The following AHI1 variants were observed in gnomAD, a reference collection of about 807,000 sequenced individuals.
AHI1 encodes the protein jouberin.
AHI1 carries 123 observed loss-of-function variants against 149.3 expected under a neutral mutation model. That is an observed-to-expected ratio of 0.82 (90% confidence interval 0.71 to 0.96). AHI1 has a LOEUF of 0.96. AHI1 is among the 40% of genes least tolerant of loss of function. The pLI, the probability that AHI1 is intolerant of heterozygous loss-of-function variation, is 0.00. For synonymous variants in AHI1, 475 were observed against 459.8 expected (o/e 1.03, Z -0.42); for missense variants, 1,439 against 1,422.7 (o/e 1.01, Z -0.18).
At chr6:135,356,475 G>A (rs1792981183) in intron 24 of AHI1, among the ~76,000 whole-genome samples, 1 of 152,164 alleles carries the variant, frequency 6.6e-6, no homozygotes, top group Admixed American at 6.5e-5. Flanking sequence ...TAGAGGTTAT[G>A]GAGAAAGGGC....
chr6:135,348,301 A>T (rs1791562519), intron 24 of AHI1, among the ~76,000 whole-genome samples: 1 of 152,216 alleles, frequency 6.6e-6, no homozygotes, highest in African/African-American at 2.4e-5. Flanking sequence ...GCTCCATAAT[A>T]ATGTGTGTTA....
chr6:135,408,333 T>C (rs1399270429), intron 21 of AHI1, among the ~76,000 whole-genome samples: 3 of 152,242 alleles, frequency 2.0e-5, no homozygotes, highest in Admixed American at 2.0e-4. Flanking sequence ...GAAATATGTT[T>C]CTCTTCATCT....
intron 23 of AHI1, among the ~76,000 whole-genome samples, chr6:135,381,655 C>G (rs1157276632): frequency 6.6e-6 from 1 of 152,208 alleles, no homozygotes; most frequent in Non-Finnish European, 1.5e-5. Context: ...AATTTCTAAA[C>G]AAGGCCATAA....
In AHI1 at chr6:135,447,018, A is replaced by G. The variant is rs771894461; in HGVS notation, c.1769T>C (p.Leu590Pro). 4.3e-6 allele frequency: 7 copies of G among 1,610,850 alleles called. 1 individual carries two copies. The highest frequency in any genetic ancestry group is 1.7e-4 in the Middle Eastern group (1 of 6,050). ...TATCAAACACTTCACCTGCCCAGGG[A>G]GTCGTTTCCACTTTATTACTTCCTT... The part of the protein sequence containing the change: ...ESKEVIKWKR[L>P]PGQACRIPNK... Residue 590 changes from leucine to proline, a missense_variant, in exon 13 of 29, where the codon CTC (leucine) becomes CCC (proline). By Grantham distance (98) the Leu-to-Pro change is moderately conservative. Coordinates refer to ENST00000265602, the MANE Select transcript of AHI1 (RefSeq NM_001134831.2).
At chr6:135,333,699 T>C (rs1788942992) in intron 24 of AHI1, among the ~76,000 whole-genome samples, 1 of 152,202 alleles carries the variant, frequency 6.6e-6, no homozygotes, top group African/African-American at 2.4e-5. Flanking sequence ...AAATAATGAC[T>C]AAAGGTGTTG....
intron 22 of AHI1, among the ~76,000 whole-genome samples, chr6:135,401,606 A>G (rs370746510): frequency 2.6e-5 from 4 of 152,228 alleles, no homozygotes; most frequent in Non-Finnish European, 5.9e-5. Context: ...ACTCTTTTCA[A>G]TAAGTAGTGC....
chr6:135,455,809 T>A lies in AHI1; in HGVS notation c.1269A>T (p.Gln423His). 6.2e-7 allele frequency: 1 copy of A among 1,601,800 alleles called. No homozygotes were observed. The highest frequency in any genetic ancestry group is 2.2e-5 in the East Asian group (1 of 44,640). Residue 423 changes from glutamine to histidine, a missense_variant, in exon 10 of 29, where the codon CAA becomes CAT. Coordinates refer to ENST00000265602, the MANE Select transcript of AHI1 (RefSeq NM_001134831.2). Reference sequence around the variant, plus strand: ...AGGGAAAATTTTCATTAAATACAATTTGTTCTTCCCACTCTGGAAGTCTTG... The same window carrying A: ...AGGGAAAATTTTCATTAAATACAATATGTTCTTCCCACTCTGGAAGTCTTG... Reference protein sequence around the residue: ...LKSRLPEWEEQIVFNENFPYL... With the variant: ...LKSRLPEWEEHIVFNENFPYL...
chr6:135,404,219 C>T (rs758973497), intron 22 of AHI1, among the ~76,000 whole-genome samples: 2 of 152,138 alleles, frequency 1.3e-5, no homozygotes, highest in Non-Finnish European at 1.5e-5. Context: ...CTCATGTTGC[C>T]ATTCCAACTC....
chr6:135,439,790 C>T lies in AHI1; in HGVS notation c.1913-1292G>A, dbSNP rs151209664. 5.1e-4 allele frequency among the ~76,000 whole-genome samples: 78 copies of T among 152,216 alleles called. No homozygotes were observed. The East Asian group carries it at 9.7e-3, about 19-fold the overall frequency. On this transcript the variant is annotated intron_variant, in intron 14 of 28. Transcript: ENST00000265602. Reference sequence around the variant, plus strand: ...TACATGTGTTTCTACTGATGGCAATCGGGTTCAGTACTACTTGAGGTTTCA... The same window carrying T: ...TACATGTGTTTCTACTGATGGCAATTGGGTTCAGTACTACTTGAGGTTTCA...
rs1412535260 is a variant in AHI1 at position 135,466,093 on chromosome 6, GT to G, written c.469del (p.Thr157HisfsTer26). On this transcript the variant is annotated frameshift_variant, in exon 7 of 29. Transcript: ENST00000265602. LOFTEE classifies it high-confidence loss of function. ...ENKVDSTHQK[T>X]HTKPQPGVDH... ...AACGCCTGGCTGTGGCTTTGTATGT[GT>G]TTTCTGGTGTGTAGAATCAACCTTA... 1 of 1,613,796 alleles carries G rather than the reference GT, an allele frequency of 6.2e-7. No homozygotes were observed. Among genetic ancestry groups the G allele is most frequent in the Non-Finnish European group, 8.5e-7 (1 of 1,179,858 alleles).
chr6:135,396,060 G>A (rs764997697), intron 22 of AHI1, among the ~76,000 whole-genome samples: 5 of 151,018 alleles, frequency 3.3e-5, no homozygotes, highest in African/African-American at 4.9e-5. Context: ...TCTTAGTTTA[G>A]GTTTTTCTCT....
chr6:135,428,557 T>C (rs889167405), intron 19 of AHI1, 72 bp downstream of exon 19: 10 of 1,421,394 alleles, frequency 7.0e-6, no homozygotes, highest in South Asian at 5.4e-5. Context: ...TTCCATAAAA[T>C]GGTAGAATTT....
At chr6:135,443,894 G>A (rs1343240615) in intron 13 of AHI1, among the ~76,000 whole-genome samples, 1 of 152,112 alleles carries the variant, frequency 6.6e-6, no homozygotes, top group Non-Finnish European at 1.5e-5. Context: ...TGAAAGAAAT[G>A]TCAGGAGGCT....
intron 23 of AHI1, among the ~76,000 whole-genome samples, chr6:135,373,547 TTA>T (rs1173224758): frequency 6.6e-6 from 1 of 152,236 alleles, no homozygotes; most frequent in African/African-American, 2.4e-5. Flanking sequence ...AAAAGAAATT[TTA>T]TGTTTCTTGG....
intron 24 of AHI1, among the ~76,000 whole-genome samples, chr6:135,355,448 T>C (rs1005215575): frequency 2.0e-5 from 3 of 152,124 alleles, no homozygotes; most frequent in African/African-American, 7.2e-5. Context: ...AGAGGTGACA[T>C]GGAACAAAGG....
intron 23 of AHI1, among the ~76,000 whole-genome samples, chr6:135,375,154 T>C (rs758899733): frequency 6.6e-6 from 1 of 152,212 alleles, no homozygotes; most frequent in Non-Finnish European, 1.5e-5. Context: ...CAAGACAATG[T>C]AGCATCATAT....
chr6:135,491,229 G>A (rs1583510687), intron 4 of AHI1, among the ~76,000 whole-genome samples: 1 of 152,148 alleles, frequency 6.6e-6, no homozygotes, highest in Non-Finnish European at 1.5e-5. Flanking sequence ...TTAAGCCCCT[G>A]AAAATTTCCC....
chr6:135,453,236 C>T (rs1387936612), intron 11 of AHI1, 105 bp downstream of exon 11: 7 of 860,876 alleles, frequency 8.1e-6, no homozygotes, highest in Admixed American at 4.4e-5. Flanking sequence ...TACAACATTA[C>T]CTTAGATTCT....
intron 23 of AHI1, among the ~76,000 whole-genome samples, chr6:135,393,774 T>C (rs1429157533): frequency 6.6e-6 from 1 of 152,112 alleles, no homozygotes; most frequent in Non-Finnish European, 1.5e-5. Flanking sequence ...ATGCTTATAG[T>C]GTTTTCATAT....
Sources: allele counts gnomAD v4.1 joint callset (sites outside exome capture counted in the v4.1 genomes callset), GRCh38; gene constraint gnomAD v4.1.1; transcripts MANE v1.5; gene names NCBI Gene and HGNC (gene_info 2026-07-23, HGNC 2026-07-21).